The following MECOM variants were observed in gnomAD, a reference collection of about 807,000 sequenced individuals.
The protein encoded by MECOM is MDS1 and EVI1 complex locus.
In MECOM, 13 loss-of-function variants were observed where a neutral mutation model predicts 116.3. That is an observed-to-expected ratio of 0.11 (90% confidence interval 0.07 to 0.18). MECOM has a LOEUF of 0.18. Ranked by LOEUF, MECOM falls within the 10% of genes least tolerant of loss-of-function variation. The pLI is 1.00. For synonymous variants in MECOM, 528 were observed against 535.2 expected, an observed-to-expected ratio of 0.99 and a Z score of 0.19; for missense variants, 1,299 against 1,509.0, an observed-to-expected ratio of 0.86 and a Z score of 2.31.
intron 2 of MECOM, among the ~76,000 whole-genome samples, chr3:169,341,431 C>CAA (rs60482855): frequency 3.6e-4 from 32 of 89,400 alleles, no homozygotes; most frequent in East Asian, 1.4e-3. Context: ...TTAATAGGTT[C>CAA]AAAAAAAAAA....
chr3:169,653,486 A>G (rs1775167807), intron 1 of MECOM, among the ~76,000 whole-genome samples: 1 of 152,246 alleles, frequency 6.6e-6, no homozygotes, highest in African/African-American at 2.4e-5. Context: ...AGAGATCATG[A>G]AGAAGCAGGA....
intron 2 of MECOM, among the ~76,000 whole-genome samples, chr3:169,214,408 A>G (rs1377012685): frequency 6.6e-6 from 1 of 151,662 alleles, no homozygotes; most frequent in African/African-American, 2.4e-5. Context: ...AAACAGGAAT[A>G]ATGGAGCCCA....
At chr3:169,470,789 T>C (rs3851386) in intron 1 of MECOM, among the ~76,000 whole-genome samples, 30,361 of 151,800 alleles carry the variant, frequency 0.2, 4,610 homozygotes, top group African/African-American at 0.4. Context: ...CAAACAAAAC[T>C]AAAAATCACA....
At chr3:169,264,052 TCAGATGA>T (rs1231064456) in intron 2 of MECOM, among the ~76,000 whole-genome samples, 1 of 152,190 alleles carries the variant, frequency 6.6e-6, no homozygotes, top group Non-Finnish European at 1.5e-5. Context: ...CAGAGTAGAT[TCAGATGA>T]CAGGTATTCT....
At chr3:169,248,833 G>T (rs9819896) in intron 2 of MECOM, among the ~76,000 whole-genome samples, 14,635 of 152,144 alleles carry the variant, frequency 0.096, 935 homozygotes, top group Admixed American at 0.17. Context: ...AAGCCAAGGA[G>T]AGAGGCCTCA....
chr3:169,304,655 A>C (rs1272214138), intron 2 of MECOM, among the ~76,000 whole-genome samples: 2 of 152,214 alleles, frequency 1.3e-5, no homozygotes, highest in African/African-American at 4.8e-5. Context: ...TATCACCTCA[A>C]TCAATAACCT....
chr3:169,291,717 T>G (rs1714589841), intron 2 of MECOM, among the ~76,000 whole-genome samples: 1 of 152,238 alleles, frequency 6.6e-6, no homozygotes, highest in Non-Finnish European at 1.5e-5. Flanking sequence ...TAGAACATTC[T>G]GAAATGTTTT....
At chr3:169,353,007 CAAA>C (rs1445200244) in intron 2 of MECOM, among the ~76,000 whole-genome samples, 3 of 151,808 alleles carry the variant, frequency 2.0e-5, no homozygotes, top group Admixed American at 6.6e-5. Context: ...AGCCTCTCCC[CAAA>C]AGGGAAGTTA....
chr3:169,484,760 G>T (rs6788901), intron 1 of MECOM, among the ~76,000 whole-genome samples: 10,721 of 147,102 alleles, frequency 0.073, 653 homozygotes, highest in East Asian at 0.26. Context: ...CACTAACATT[G>T]GAAGGCAGAC....
chr3:169,434,855 T>G (rs7612523), intron 1 of MECOM, among the ~76,000 whole-genome samples: 7,732 of 152,288 alleles, frequency 0.051, 257 homozygotes, highest in African/African-American at 0.089. Context: ...CAATCTTTTA[T>G]GATGTGTTAC....
intron 8 of MECOM, among the ~76,000 whole-genome samples, chr3:169,114,125 T>C (rs752380604): frequency 1.3e-5 from 2 of 152,100 alleles, no homozygotes; most frequent in East Asian, 1.9e-4. Flanking sequence ...AGACACATCA[T>C]TGAGTTGGAA....
chr3:169,117,015 G>A (rs1262005012), intron 7 of MECOM, among the ~76,000 whole-genome samples: 1 of 151,960 alleles, frequency 6.6e-6, no homozygotes, highest in Admixed American at 6.6e-5. Context: ...CATAATATTT[G>A]TGTATTTAAA....
chr3:169,195,696 GAGGTA>G (rs1748324140), intron 2 of MECOM, among the ~76,000 whole-genome samples: 3 of 151,998 alleles, frequency 2.0e-5, no homozygotes, highest in Non-Finnish European at 4.4e-5. Flanking sequence ...AAGGTGGTCA[GAGGTA>G]AAAGCTAAAG....
intron 2 of MECOM, among the ~76,000 whole-genome samples, chr3:169,167,560 C>G (rs924267003): frequency 1.3e-5 from 2 of 152,190 alleles, no homozygotes; most frequent in Non-Finnish European, 2.9e-5. Flanking sequence ...AGATGATTAA[C>G]AGTAGTTTAA....
chr3:169,558,029 T>G (rs1039073103), intron 1 of MECOM, among the ~76,000 whole-genome samples: 1 of 152,204 alleles, frequency 6.6e-6, no homozygotes, highest in African/African-American at 2.4e-5. Context: ...ACAGGATTTT[T>G]TAAAAGATTT....
At chr3:169,234,027 G>A (rs1390533571) in intron 2 of MECOM, among the ~76,000 whole-genome samples, 1 of 152,024 alleles carries the variant, frequency 6.6e-6, no homozygotes, top group Non-Finnish European at 1.5e-5. Context: ...ATTTTATAGT[G>A]ACAGCTGTAT....
intron 2 of MECOM, among the ~76,000 whole-genome samples, chr3:169,369,997 G>A (rs1249980600): frequency 6.6e-6 from 1 of 151,804 alleles, no homozygotes; most frequent in Non-Finnish European, 1.5e-5. Flanking sequence ...GTTATCTAGT[G>A]TTAAGAGTAT....
intron 2 of MECOM, among the ~76,000 whole-genome samples, chr3:169,328,278 C>T (rs573929724): frequency 6.6e-6 from 1 of 152,314 alleles, no homozygotes; most frequent in East Asian, 1.9e-4. Flanking sequence ...TCTCCGTTGA[C>T]ATAAAATGAA....
chr3:169,241,208 G>T (rs574403698), intron 2 of MECOM, among the ~76,000 whole-genome samples: 1 of 152,046 alleles, frequency 6.6e-6, no homozygotes, highest in Non-Finnish European at 1.5e-5. Flanking sequence ...TTGAATAAGC[G>T]TTCAATCTTC....
Sources: allele counts gnomAD v4.1 joint callset (sites outside exome capture counted in the v4.1 genomes callset), GRCh38; gene constraint gnomAD v4.1.1; transcripts MANE v1.5; gene names NCBI Gene and HGNC (gene_info 2026-07-23, HGNC 2026-07-21).